PDE4D: variants seen among roughly 807,000 people sequenced by gnomAD.
PDE4D encodes the protein 3',5'-cyclic-AMP phosphodiesterase 4D.
PDE4D carries 24 observed loss-of-function variants against 87.4 expected under a neutral mutation model. That is an observed-to-expected ratio of 0.27 (90% CI 0.20 to 0.39). The LOEUF (loss-of-function observed/expected upper bound fraction) is 0.39, where lower values mean the gene tolerates loss of function less well. Among genes scored for constraint, PDE4D ranks in the 10% least tolerant of loss-of-function variants. PDE4D has a pLI of 1.00. For missense variants in PDE4D, 714 were observed against 1,041.0 expected, an observed-to-expected ratio of 0.69 and a Z score of 4.32; for synonymous variants, 384 against 383.2, an observed-to-expected ratio of 1.00 and a Z score of -0.02.
chr5:60,343,802 A>AGTAACACT (rs1297680642), intron 1 of PDE4D, among the ~76,000 whole-genome samples: 2 of 152,112 alleles, frequency 1.3e-5, no homozygotes, highest in Non-Finnish European at 2.9e-5. Context: ...CTGTGGACCC[A>AGTAACACT]GTAACACTGT....
upstream of PDE4D, chr5:59,893,861 C>T (rs531212605): frequency 1.6e-6 from 2 of 1,282,834 alleles, no homozygotes; most frequent in East Asian, 3.3e-5. Context: ...GGCAGAGACA[C>T]GCTCCCGGGC....
intron 1 of PDE4D, among the ~76,000 whole-genome samples, chr5:59,658,661 G>A (rs775413991): frequency 6.6e-6 from 1 of 152,186 alleles, no homozygotes; most frequent in African/African-American, 2.4e-5. Context: ...AATTACAGGC[G>A]TGGAAAGCCA....
chr5:60,432,731 T>C (rs533422481), intron 1 of PDE4D, among the ~76,000 whole-genome samples: 4 of 152,070 alleles, frequency 2.6e-5, no homozygotes, highest in Non-Finnish European at 4.4e-5. Context: ...CAAAAATAGA[T>C]ACATAGACCA....
intron 1 of PDE4D, among the ~76,000 whole-genome samples, chr5:59,502,247 A>C (rs546853353): frequency 1.3e-5 from 2 of 152,188 alleles, no homozygotes; most frequent in East Asian, 1.9e-4. Flanking sequence ...GGTCAACAAA[A>C]TACCTATATG....
At chr5:59,276,256 A>G (rs2153544428) in intron 1 of PDE4D, 1 of 391,812 alleles carries the variant, frequency 2.6e-6, no homozygotes. Context: ...AAGAGACCTC[A>G]CAAAACTTAT....
At chr5:59,046,673 G>GT (rs1230808174) in intron 5 of PDE4D, among the ~76,000 whole-genome samples, 1 of 152,108 alleles carries the variant, frequency 6.6e-6, no homozygotes, top group African/African-American at 2.4e-5. Context: ...ATCCCGACTT[G>GT]TTTTGTTTTG....
At chr5:59,029,445 G>A (rs1263836164) in intron 6 of PDE4D, among the ~76,000 whole-genome samples, 1 of 147,232 alleles carries the variant, frequency 6.8e-6, no homozygotes, top group African/African-American at 2.5e-5. Context: ...AAACTTAGGA[G>A]CAAATCTAAC....
At chr5:59,900,426 G>C (rs1350259081) in intron 3 of PDE4D, among the ~76,000 whole-genome samples, 1 of 151,912 alleles carries the variant, frequency 6.6e-6, no homozygotes, top group Admixed American at 6.6e-5. Flanking sequence ...TACTATAAGT[G>C]AAAAAATATT....
At chr5:60,142,473 A>G (rs1780617878) in intron 2 of PDE4D, among the ~76,000 whole-genome samples, 1 of 152,202 alleles carries the variant, frequency 6.6e-6, no homozygotes, top group South Asian at 2.1e-4. Flanking sequence ...ATTACAGTAG[A>G]AAAAACATTA....
In PDE4D at chr5:60,193,861, A is replaced by T. The variant is rs920340906; in HGVS notation, c.-89-8174T>A. 2.8e-4 allele frequency among the ~76,000 whole-genome samples: 43 copies of T among 151,190 alleles called. 3 individuals carry two copies. The highest frequency in any genetic ancestry group is 1.0e-4 in the Non-Finnish European group (7 of 67,604). On this transcript the variant is annotated intron_variant, in intron 1 of 16. Coordinates refer to the PDE4D transcript ENST00000502484. ...TGTCTCTCTGAACATCCCATCAAAA[A>T]TTATGCCTCAGCTTCCTTCCTCACC...
rs188215301 is a variant in PDE4D at position 59,714,421 on chromosome 5, C to A, written c.455+178747G>T. Among the ~76,000 whole-genome samples the A allele has an allele frequency of 2.1e-3, 318 of 152,294 alleles. 3 individuals carry two copies. Among genetic ancestry groups the A allele is most frequent in the Non-Finnish European group, 3.6e-3 (248 of 68,012 alleles). ...TAGGGAACTGGCTGAGGTGCCTGGC[C>A]TGGGGGGACACCAGACAAATAGAGG... On this transcript the variant is annotated intron_variant, in intron 1 of 14. Coordinates refer to ENST00000340635, the MANE Select transcript of PDE4D (RefSeq NM_001104631.2).
chr5:59,435,981 TG>T (rs890931004), intron 1 of PDE4D, among the ~76,000 whole-genome samples: 2 of 152,204 alleles, frequency 1.3e-5, no homozygotes, highest in Admixed American at 1.3e-4. Flanking sequence ...TGTGCCTGCC[TG>T]GGCTATCAGT....
chr5:59,178,840 G>T (rs1167784484), intron 5 of PDE4D, among the ~76,000 whole-genome samples: 2 of 152,302 alleles, frequency 1.3e-5, no homozygotes, highest in South Asian at 4.1e-4. Context: ...GTTGAGGGTA[G>T]TTCCTCTTGA....
rs1047782415 is a variant in PDE4D at position 60,412,183 on chromosome 5, A to G, written c.-90+75759T>C. Among the ~76,000 whole-genome samples the G allele has an allele frequency of 4.2e-4, 64 of 152,286 alleles. 1 individual carries two copies. The highest frequency in any genetic ancestry group is 4.4e-5 in the Non-Finnish European group (3 of 67,986). On this transcript the variant is annotated intron_variant, in intron 1 of 16. Coordinates refer to the PDE4D transcript ENST00000502484. The stretch of plus-strand genomic sequence containing the variant: ...TACAATTATACGTGTCTTCAAAAGA[A>G]CACTAGGAAAATGTTATCTCCACTA...
At chr5:59,387,277 AT>A (rs1029933009) in intron 1 of PDE4D, among the ~76,000 whole-genome samples, 13 of 152,288 alleles carry the variant, frequency 8.5e-5, no homozygotes, top group African/African-American at 3.1e-4. Context: ...TATCAGTTTA[AT>A]TTTATGAAGC....
chr5:60,421,638 T>C (rs981880721), intron 1 of PDE4D, among the ~76,000 whole-genome samples: 2 of 152,166 alleles, frequency 1.3e-5, no homozygotes, highest in Non-Finnish European at 2.9e-5. Context: ...CCTCTTCTCT[T>C]CCAAAGGATC....
At chr5:60,129,204 TG>T (rs1450710414) in intron 2 of PDE4D, among the ~76,000 whole-genome samples, 1 of 152,232 alleles carries the variant, frequency 6.6e-6, no homozygotes, top group Non-Finnish European at 1.5e-5. Context: ...AACATGCAAG[TG>T]CTCATATGAC....
At chr5:59,639,920 A>C (rs1219819588) in intron 1 of PDE4D, among the ~76,000 whole-genome samples, 1 of 147,448 alleles carries the variant, frequency 6.8e-6, no homozygotes, top group Non-Finnish European at 1.5e-5. Flanking sequence ...TTTGATGTAC[A>C]TTTGATGTAA....
At chr5:58,991,477 C>T (rs1411502069) in intron 8 of PDE4D, among the ~76,000 whole-genome samples, 1 of 152,174 alleles carries the variant, frequency 6.6e-6, no homozygotes, top group African/African-American at 2.4e-5. Flanking sequence ...CATTACAACA[C>T]ATTTATGTAC....
Sources: allele counts gnomAD v4.1 joint callset (sites outside exome capture counted in the v4.1 genomes callset), GRCh38; gene constraint gnomAD v4.1.1; transcripts MANE v1.5; gene names NCBI Gene and HGNC (gene_info 2026-07-23, HGNC 2026-07-21).